Variants in SLC11A2 observed in about 807,000 individuals in gnomAD.
SLC11A2 encodes natural resistance-associated macrophage protein 2.
Under a neutral mutation model 68.0 loss-of-function variants are expected in SLC11A2, and 38 were observed. The observed-to-expected ratio is 0.56, with a 90% CI of 0.43 to 0.73. The LOEUF (loss-of-function observed/expected upper bound fraction) is 0.73. SLC11A2 is among the 30% of genes least tolerant of loss of function. The pLI is 0.00. For missense variants in SLC11A2, 517 were observed against 690.5 expected, an observed-to-expected ratio of 0.75 and a Z score of 2.82; for synonymous variants, 242 against 250.6, an observed-to-expected ratio of 0.97 and a Z score of 0.32.
chr12:50,974,033 A>G, the SLC11A2 span, among the ~76,000 whole-genome samples: 2 of 152,134 alleles, frequency 1.3e-5, no homozygotes, highest in Admixed American at 6.6e-5. Context: ...TGAAAGTGAC[A>G]GGGAGAATGG....
chr12:51,004,003 G>C (rs1237571884), intron 5 of SLC11A2, among the ~76,000 whole-genome samples: 4 of 152,058 alleles, frequency 2.6e-5, no homozygotes, highest in Non-Finnish European at 5.9e-5. Context: ...GGTTTTGTTT[G>C]TTTTTTAAAA....
the SLC11A2 span, among the ~76,000 whole-genome samples, chr12:50,958,591 T>C: frequency 1.2e-4 from 18 of 151,982 alleles, no homozygotes; most frequent in African/African-American, 4.1e-4. Flanking sequence ...TAAAATAATC[T>C]TTTTTAAAAC....
At chr12:51,004,074 C>T (rs1355902186) in intron 5 of SLC11A2, among the ~76,000 whole-genome samples, 3 of 152,078 alleles carry the variant, frequency 2.0e-5, no homozygotes, top group African/African-American at 4.8e-5. Flanking sequence ...TTGATATAGG[C>T]ATAAAATGTG....
chr12:51,009,627 A>C (rs1943039783), intron 2 of SLC11A2, among the ~76,000 whole-genome samples: 2 of 152,244 alleles, frequency 1.3e-5, no homozygotes. Flanking sequence ...AAAGAAGCTC[A>C]GATTTAGGAA....
At chr12:50,991,150 C>A (rs1173685625) in intron 14 of SLC11A2, among the ~76,000 whole-genome samples, 1 of 152,104 alleles carries the variant, frequency 6.6e-6, no homozygotes, top group Non-Finnish European at 1.5e-5. Flanking sequence ...GGGGAAAAGA[C>A]ACCAACAAAT....
At chr12:50,965,942 T>C in the SLC11A2 span, among the ~76,000 whole-genome samples, 1 of 152,236 alleles carries the variant, frequency 6.6e-6, no homozygotes, top group African/African-American at 2.4e-5. Flanking sequence ...GCCCTGGCTC[T>C]TTATTGTGGT....
At chr12:50,973,519 A>T in the SLC11A2 span, among the ~76,000 whole-genome samples, 1 of 152,332 alleles carries the variant, frequency 6.6e-6, no homozygotes, top group South Asian at 2.1e-4. Flanking sequence ...CCAAAGGTAG[A>T]TAAAACCACA....
downstream of SLC11A2, chr12:50,979,732 G>C: frequency 2.5e-6 from 1 of 398,018 alleles, no homozygotes; most frequent in South Asian, 1.8e-5. Context: ...TGTCATTTTA[G>C]AAAAATCCCT....
intron 6 of SLC11A2, 40 bp from the exon 7 acceptor site, chr12:50,999,455 AGAAAG>A: frequency 6.7e-7 from 1 of 1,503,542 alleles, no homozygotes; most frequent in Non-Finnish European, 9.3e-7. Flanking sequence ...AGAGACGGAA[AGAAAG>A]GAAACATTGA....
chr12:51,000,019 T>TA (rs969195686), intron 6 of SLC11A2, among the ~76,000 whole-genome samples: 1 of 151,446 alleles, frequency 6.6e-6, no homozygotes, highest in African/African-American at 2.4e-5. Flanking sequence ...AAAAAATAAA[T>TA]AAATAAAATA....
intron 6 of SLC11A2, 125 bp downstream of exon 6, chr12:51,000,188 G>C (rs890221739): frequency 4.1e-6 from 3 of 735,524 alleles, no homozygotes; most frequent in African/African-American, 3.5e-5. Flanking sequence ...TTTCCAGAAA[G>C]GTTCCACAGA....
intron 1 of SLC11A2, chr12:51,025,927 T>C: frequency 1.0e-6 from 1 of 997,454 alleles, no homozygotes; most frequent in Non-Finnish European, 1.2e-6. Flanking sequence ...ACGAAAGACC[T>C]TGCCCTGTGC....
At chr12:50,954,486 T>C in the SLC11A2 span, 1 of 156,246 alleles carries the variant, frequency 6.4e-6, no homozygotes, top group Non-Finnish European at 1.4e-5. Flanking sequence ...CTTTGTCTTG[T>C]AAGTAATCTA....
At chr12:50,961,162 TATTC>T in the SLC11A2 span, 1 of 1,527,834 alleles carries the variant, frequency 6.5e-7, no homozygotes, top group East Asian at 2.3e-5. Context: ...TTATTTATTT[TATTC>T]ATTCATAGTA....
chr12:50,980,465 C>A (rs1939959103), downstream of SLC11A2: 1 of 152,312 alleles, frequency 6.6e-6, no homozygotes, highest in African/African-American at 2.4e-5. Flanking sequence ...CAATGCATTC[C>A]CACCTTGGCG....
intron 15 of SLC11A2, among the ~76,000 whole-genome samples, chr12:50,990,225 C>G (rs992002838): frequency 3.3e-5 from 5 of 151,980 alleles, no homozygotes; most frequent in Non-Finnish European, 7.4e-5. Flanking sequence ...TAATTATTTC[C>G]TTGGACAGCT....
At chr12:50,999,681 C>T in intron 6 of SLC11A2, 1 of 476,954 alleles carries the variant, frequency 2.1e-6, no homozygotes, top group Admixed American at 3.3e-5. Context: ...TGGAGTTAGA[C>T]AGATAGAATT....
chr12:51,017,043 A>C (rs1269217092), intron 1 of SLC11A2, among the ~76,000 whole-genome samples: 2 of 152,004 alleles, frequency 1.3e-5, no homozygotes, highest in Non-Finnish European at 2.9e-5. Flanking sequence ...CTGTTTTACA[A>C]GATAAAAATG....
chr12:51,007,645 T>C (rs1942840178), intron 3 of SLC11A2, among the ~76,000 whole-genome samples: 1 of 150,494 alleles, frequency 6.6e-6, no homozygotes, highest in Non-Finnish European at 1.5e-5. Context: ...TGTTTTGTTT[T>C]GGTTTTCGTT....
Sources: allele counts gnomAD v4.1 joint callset (sites outside exome capture counted in the v4.1 genomes callset), GRCh38; gene constraint gnomAD v4.1.1; transcripts MANE v1.5; gene names NCBI Gene and HGNC (gene_info 2026-07-23, HGNC 2026-07-21).